The following CCDC171 variants were observed in gnomAD, a reference collection of about 807,000 sequenced individuals.
The protein encoded by CCDC171 is coiled-coil domain-containing protein 171.
In CCDC171, 177 loss-of-function variants were observed where a neutral mutation model predicts 168.2. That is an observed-to-expected ratio of 1.05 (90% CI 0.93 to 1.19). The LOEUF (loss-of-function observed/expected upper bound fraction) is 1.19, where lower values mean the gene tolerates loss of function less well. Ranked by LOEUF, CCDC171 falls within the 50% of genes most tolerant of loss-of-function variation. The pLI, the probability that CCDC171 is intolerant of heterozygous loss-of-function variation, is 0.00. For synonymous variants in CCDC171, 687 were observed against 540.8 expected, an observed-to-expected ratio of 1.27 and a Z score of -3.75; for missense variants, 1,991 against 1,539.0, an observed-to-expected ratio of 1.29 and a Z score of -4.91.
chr9:15,609,875 C>A (rs2043522287), intron 6 of CCDC171, among the ~76,000 whole-genome samples: 6 of 152,026 alleles, frequency 3.9e-5, no homozygotes, highest in Admixed American at 3.9e-4. Context: ...ATCAAGAGAC[C>A]TTCCTGTAAT....
In CCDC171 at chr9:15,612,645, AT is replaced by A. The variant is rs564759210; in HGVS notation, c.676-10618del. Reference sequence around the variant, plus strand: ...GTGCCCCTGTTCTTGAGTTTTGACTATTTTCTTGGTTGGGCACATTGCCTTT... The same window carrying A: ...GTGCCCCTGTTCTTGAGTTTTGACTATTTCTTGGTTGGGCACATTGCCTTT... On this transcript the variant is annotated intron_variant, in intron 6 of 25. Coordinates refer to ENST00000380701, the MANE Select transcript of CCDC171 (RefSeq NM_173550.4). Among the ~76,000 whole-genome samples, 334 of 151,080 alleles carry A rather than the reference AT, an allele frequency of 2.2e-3. 3 individuals are homozygous for A. The highest frequency in any genetic ancestry group is 7.7e-3 in the African/African-American group (315 of 41,156).
At chr9:15,778,219 C>A (rs1344506837) in intron 19 of CCDC171, among the ~76,000 whole-genome samples, 1 of 142,460 alleles carries the variant, frequency 7.0e-6, no homozygotes, top group East Asian at 2.1e-4. Flanking sequence ...ATGGCGTGAA[C>A]CCGGGAAGCG....
chr9:15,668,582 C>G (rs949026189), intron 9 of CCDC171, among the ~76,000 whole-genome samples: 1 of 152,048 alleles, frequency 6.6e-6, no homozygotes. Flanking sequence ...TAAATAATGA[C>G]AAGTAATAAC....
chr9:15,569,935 T>C (rs2040084903), intron 2 of CCDC171, among the ~76,000 whole-genome samples: 1 of 152,178 alleles, frequency 6.6e-6, no homozygotes, highest in Non-Finnish European at 1.5e-5. Context: ...GTTTAGTTTT[T>C]CGTTTTCTTA....
chr9:15,728,971 A>T (rs1244253178), intron 15 of CCDC171, among the ~76,000 whole-genome samples: 1 of 152,184 alleles, frequency 6.6e-6, no homozygotes, highest in Non-Finnish European at 1.5e-5. Flanking sequence ...GACACTGAGA[A>T]GTAGGGCTAG....
chr9:16,063,223 A>G (rs938240396), downstream of CCDC171, among the ~76,000 whole-genome samples: 5 of 152,214 alleles, frequency 3.3e-5, no homozygotes, highest in African/African-American at 1.2e-4. Context: ...CAAGTAATAG[A>G]GTGAGCAGAA....
intron 11 of CCDC171, among the ~76,000 whole-genome samples, chr9:15,709,964 C>T (rs56323052): frequency 0.028 from 4,266 of 152,074 alleles, 198 homozygotes; most frequent in African/African-American, 0.098. Context: ...CATCTACTTC[C>T]CCTCTGCTGT....
chr9:15,854,118 G>A (rs947215953), intron 23 of CCDC171, among the ~76,000 whole-genome samples: 20 of 149,530 alleles, frequency 1.3e-4, no homozygotes, highest in African/African-American at 4.9e-4. Flanking sequence ...TGATCTCATA[G>A]AATAGGTTAG....
chr9:15,750,836 A>G (rs2055685120), intron 18 of CCDC171, among the ~76,000 whole-genome samples: 2 of 152,344 alleles, frequency 1.3e-5, no homozygotes, highest in South Asian at 2.1e-4. Flanking sequence ...TGAATGGGCA[A>G]AAGCTGGAAG....
chr9:16,077,586 C>T, the CCDC171 span, among the ~76,000 whole-genome samples: 54 of 152,282 alleles, frequency 3.5e-4, no homozygotes, highest in African/African-American at 1.1e-3. Context: ...CCAGAGACGA[C>T]GAGAGACATG....
chr9:16,007,771 G>A lies in CCDC171; in HGVS notation n.369-12818G>A, dbSNP rs1832750184. On this transcript the variant is annotated intron_variant and non_coding_transcript_variant, in intron 3 of 9. Transcript: ENST00000486641. ...GTGTGGTATTATTTCTGAGGGCTCT[G>A]TTCTGTTCCATTGGTCTATGTCTCT... 3.9e-5 allele frequency among the ~76,000 whole-genome samples: 6 copies of A among 152,168 alleles called. 1 individual carries two copies. Among genetic ancestry groups the A allele is most frequent in the Admixed American group, 3.9e-4 (6 of 15,282 alleles).
chr9:16,007,656 G>T lies in CCDC171; in HGVS notation n.369-12933G>T, dbSNP rs547053848. ...AGTTTCAGCTTTCTACATATGGCTA[G>T]CCAGTTTTCCCAGCACCATTTATTA... On this transcript the variant is annotated intron_variant and non_coding_transcript_variant, in intron 3 of 9. Transcript: ENST00000486641. Among the ~76,000 whole-genome samples the T allele has an allele frequency of 3.5e-4, 54 of 152,262 alleles. 1 individual carries two copies. Among genetic ancestry groups the T allele is most frequent in the South Asian group, 1.2e-3 (6 of 4,826 alleles).
chr9:15,906,001 T>G (rs1822539175), intron 24 of CCDC171, among the ~76,000 whole-genome samples: 1 of 152,052 alleles, frequency 6.6e-6, no homozygotes, highest in Non-Finnish European at 1.5e-5. Flanking sequence ...AATAGACCAA[T>G]AACAGGCTCT....
chr9:15,829,224 A>G (rs1050024036), intron 21 of CCDC171, among the ~76,000 whole-genome samples: 2 of 152,190 alleles, frequency 1.3e-5, no homozygotes, highest in Admixed American at 6.5e-5. Flanking sequence ...CTGTATTTCA[A>G]TCTATTGGCT....
intron 6 of CCDC171, among the ~76,000 whole-genome samples, chr9:16,025,362 A>G (rs1294506394): frequency 2.0e-5 from 3 of 152,182 alleles, no homozygotes; most frequent in African/African-American, 7.2e-5. Flanking sequence ...GAATTGCTTG[A>G]AACCAGTAGG....
Position 15,745,577 on chromosome 9 carries a change from C to T in CCDC171, c.2617C>T (p.Leu873Phe), listed in dbSNP as rs145203109. 1.3e-6 allele frequency: 2 copies of T among 1,591,008 alleles called. No individual in the cohort carries two copies. Among genetic ancestry groups the T allele is most frequent in the East Asian group, 4.7e-5 (2 of 42,642 alleles). Residue 873 changes from leucine to phenylalanine, a missense_variant, in exon 18 of 26, where the codon CTT becomes TTT. Physicochemically the swap from Leu to Phe is conservative, Grantham distance 22. Coordinates refer to ENST00000380701, the MANE Select transcript of CCDC171 (RefSeq NM_173550.4). ...ALSWLTSSDL[L>F]AAIISSMAEL... ...CAGTTGGCTCACCAGTTCTGACCTT[C>T]TTGCTGCAATAATCAGTTCTATGGC...
intron 3 of CCDC171, among the ~76,000 whole-genome samples, chr9:16,011,212 G>T (rs1440697271): frequency 2.6e-5 from 4 of 152,104 alleles, no homozygotes; most frequent in Non-Finnish European, 4.4e-5. Flanking sequence ...CCTTGAGGAT[G>T]CTAAAATGCT....
chr9:15,608,136 A>C (rs1357328580), intron 6 of CCDC171, among the ~76,000 whole-genome samples: 1 of 152,088 alleles, frequency 6.6e-6, no homozygotes, highest in African/African-American at 2.4e-5. Context: ...ATGATAACCC[A>C]TTAACCCATT....
At chr9:15,768,664 TATTTA>T (rs2056858827) in intron 18 of CCDC171, among the ~76,000 whole-genome samples, 1 of 152,236 alleles carries the variant, frequency 6.6e-6, no homozygotes, top group African/African-American at 2.4e-5. Context: ...AGAATATTAG[TATTTA>T]ATTAGTATTT....
Sources: allele counts gnomAD v4.1 joint callset (sites outside exome capture counted in the v4.1 genomes callset), GRCh38; gene constraint gnomAD v4.1.1; transcripts MANE v1.5; gene names NCBI Gene and HGNC (gene_info 2026-07-23, HGNC 2026-07-21).